Variants in TENM4 observed in about 807,000 individuals in gnomAD.
TENM4 encodes the protein teneurin-4.
In TENM4, 82 loss-of-function variants were observed where a neutral mutation model predicts 243.3. The observed-to-expected ratio is 0.34, with a 90% CI of 0.28 to 0.40. The LOEUF (loss-of-function observed/expected upper bound fraction) is 0.40. Among genes scored for constraint, TENM4 ranks in the 10% least tolerant of loss-of-function variants. TENM4 has a pLI of 1.00. For synonymous variants in TENM4, 1,412 were observed against 1,456.3 expected, an observed-to-expected ratio of 0.97 and a Z score of 0.69; for missense variants, 3,138 against 3,673.3, an observed-to-expected ratio of 0.85 and a Z score of 3.77.
At chr11:78,780,324 T>C (rs150311699) in intron 16 of TENM4, among the ~76,000 whole-genome samples, 9 of 152,356 alleles carry the variant, frequency 5.9e-5, no homozygotes, top group Admixed American at 2.6e-4. Flanking sequence ...CTAAAATTTC[T>C]TATATCTCAT....
intron 6 of TENM4, among the ~76,000 whole-genome samples, chr11:78,981,531 A>G (rs1857795055): frequency 6.6e-6 from 1 of 151,888 alleles, no homozygotes; most frequent in Admixed American, 6.6e-5. Context: ...CCCCTTCCTC[A>G]TGAGGGAATC....
intron 9 of TENM4, among the ~76,000 whole-genome samples, chr11:78,874,421 AT>A (rs1859213630): frequency 6.6e-6 from 1 of 152,182 alleles, no homozygotes; most frequent in African/African-American, 2.4e-5. Context: ...TCCTAATGTA[AT>A]ACAGTCTGTG....
chr11:79,149,593 T>C (rs1405688079), intron 3 of TENM4, among the ~76,000 whole-genome samples: 2 of 152,182 alleles, frequency 1.3e-5, no homozygotes, highest in African/African-American at 2.4e-5. Context: ...TCTAACTTAA[T>C]TGCACTGTGG....
At chr11:79,193,642 C>T (rs1157308183) in intron 3 of TENM4, among the ~76,000 whole-genome samples, 2 of 152,198 alleles carry the variant, frequency 1.3e-5, no homozygotes, top group Non-Finnish European at 2.9e-5. Context: ...ATCCACATAG[C>T]AGGGTCCCTG....
chr11:79,171,299 G>T lies in TENM4; in HGVS notation c.-162-22493C>A, dbSNP rs376615279. ...GTGTGAAATGCTAATGCCTCTGTGG[G>T]CACAACTGCATATTTAGACATCCTT... On this transcript the variant is annotated intron_variant, in intron 3 of 33. Transcript: ENST00000278550. Among the ~76,000 whole-genome samples the T allele has an allele frequency of 8.8e-4, 134 of 152,286 alleles. 4 individuals are homozygous for T. In the South Asian group the frequency reaches 0.02, roughly 22 times the overall value.
intron 3 of TENM4, among the ~76,000 whole-genome samples, chr11:79,211,295 T>G (rs927406916): frequency 1.3e-5 from 2 of 152,170 alleles, no homozygotes; most frequent in African/African-American, 4.8e-5. Flanking sequence ...TCCTGTCCCC[T>G]CTGTACTGAG....
At chr11:79,101,488 T>C (rs1246748619) in intron 4 of TENM4, among the ~76,000 whole-genome samples, 5 of 152,226 alleles carry the variant, frequency 3.3e-5, no homozygotes, top group African/African-American at 1.2e-4. Context: ...GGCTTGACTT[T>C]GAAATGGATT....
intron 6 of TENM4, among the ~76,000 whole-genome samples, chr11:78,934,997 C>T (rs1591142756): frequency 2.0e-4 from 16 of 81,108 alleles, no homozygotes; most frequent in South Asian, 5.1e-4. Context: ...AAGTATGCAA[C>T]TTTTTTTTTT....
At chr11:79,145,552 G>A (rs751589186) in intron 4 of TENM4, among the ~76,000 whole-genome samples, 6 of 152,042 alleles carry the variant, frequency 3.9e-5, no homozygotes, top group Non-Finnish European at 7.4e-5. Flanking sequence ...ATATTGCTAT[G>A]TGCAATATTC....
chr11:78,836,388 A>G (rs1858116369), intron 12 of TENM4, among the ~76,000 whole-genome samples: 1 of 152,304 alleles, frequency 6.6e-6, no homozygotes, highest in South Asian at 2.1e-4. Context: ...AACCTTTCAG[A>G]AAAGAGCCTT....
Position 79,029,876 on chromosome 11 carries a change from C to T in TENM4, c.493+34862G>A, listed in dbSNP as rs888161343. On this transcript the variant is annotated intron_variant, in intron 6 of 33. Coordinates refer to ENST00000278550, the MANE Select transcript of TENM4 (RefSeq NM_001098816.3). ...TTTTATTTTGAGAAATCCCCGGGTC[C>T]TTTATGGGGAGAAATCATATCACCT... Among the ~76,000 whole-genome samples, 5 of 152,222 alleles carry T rather than the reference C, an allele frequency of 3.3e-5. No homozygotes were observed. The East Asian group carries it at 7.7e-4, about 24-fold the overall frequency.
Position 79,212,413 on chromosome 11 carries a change from T to G in TENM4, c.-163+3395A>C, listed in dbSNP as rs1017475629. On this transcript the variant is annotated intron_variant, in intron 3 of 33. Transcript: ENST00000278550. ...TTTCTGAGTGGTCCTGAGAATCTCT[T>G]TTTCTTCTCCTCTTCCCTTTTTTGT... Among the ~76,000 whole-genome samples the G allele has an allele frequency of 2.6e-5, 4 of 152,312 alleles. No homozygotes were observed. In the East Asian group the frequency reaches 7.7e-4, roughly 29 times the overall value.
intron 17 of TENM4, among the ~76,000 whole-genome samples, chr11:78,772,103 G>A (rs139219337): frequency 8.5e-4 from 130 of 152,340 alleles, no homozygotes; most frequent in African/African-American, 2.9e-3. Flanking sequence ...GGCTGTAGAT[G>A]ATTTGATCAA....
intron 12 of TENM4, among the ~76,000 whole-genome samples, chr11:78,839,440 G>A (rs2136168987): frequency 6.6e-6 from 1 of 152,216 alleles, no homozygotes; most frequent in African/African-American, 2.4e-5. Flanking sequence ...TATTTCATAA[G>A]TGGTTGTTGC....
intron 4 of TENM4, among the ~76,000 whole-genome samples, chr11:79,079,812 A>T (rs1423718156): frequency 6.7e-6 from 1 of 148,558 alleles, no homozygotes; most frequent in Non-Finnish European, 1.5e-5. Flanking sequence ...AGTCTGAGCA[A>T]CACAGTGACA....
At chr11:78,814,446 CAGAG>C in intron 12 of TENM4, 51 bp from the exon 13 acceptor site, 1 of 1,481,900 alleles carries the variant, frequency 6.7e-7, no homozygotes, top group Non-Finnish European at 9.2e-7. Flanking sequence ...CTTACCCAAA[CAGAG>C]AGCCCAGGAA....
At chr11:78,931,449 G>A (rs1455127582) in intron 6 of TENM4, among the ~76,000 whole-genome samples, 2 of 152,182 alleles carry the variant, frequency 1.3e-5, no homozygotes, top group African/African-American at 4.8e-5. Context: ...TGCAAAAGAG[G>A]TGCAGTAGAA....
intron 1 of TENM4, among the ~76,000 whole-genome samples, chr11:79,359,736 TA>T (rs1565314269): frequency 6.6e-6 from 1 of 152,058 alleles, no homozygotes; most frequent in African/African-American, 2.4e-5. Context: ...ATCAGACTTT[TA>T]AAAAACTTTT....
intron 2 of TENM4, among the ~76,000 whole-genome samples, chr11:79,224,511 C>A (rs1864224525): frequency 6.6e-6 from 1 of 151,994 alleles, no homozygotes; most frequent in Non-Finnish European, 1.5e-5. Context: ...TGAATTGTAT[C>A]CTCAAAAAAG....
Sources: gnomAD v4.1 joint callset for allele counts (sites outside exome capture counted in the v4.1 genomes callset) on GRCh38, gnomAD v4.1.1 for gene constraint, MANE v1.5 for transcripts, NCBI Gene and HGNC (gene_info 2026-07-23, HGNC 2026-07-21) for gene names.